Variants in GGT7 observed in about 807,000 individuals in gnomAD.
GGT7 encodes the protein gamma-glutamyltransferase 7.
GGT7 carries 30 observed loss-of-function variants against 69.2 expected under a neutral mutation model. The observed-to-expected ratio is 0.43, with a 90% CI of 0.32 to 0.59. The LOEUF is 0.59. GGT7 is among the 20% of genes least tolerant of loss of function. The pLI is 0.05. For synonymous variants in GGT7, 388 were observed against 391.8 expected, an observed-to-expected ratio of 0.99 and a Z score of 0.12; for missense variants, 733 against 901.1, an observed-to-expected ratio of 0.81 and a Z score of 2.39.
Position 34,845,463 on chromosome 20 carries a change from GAACTCAA to G in GGT7, c.1847_1853del (p.Ile616ThrfsTer12), listed in dbSNP as rs1232639677. 6.2e-7 allele frequency: 1 copy of G among 1,613,992 alleles called. No individual in the cohort carries two copies. The highest frequency in any genetic ancestry group is 1.7e-5 in the Admixed American group (1 of 60,012). ...CCACGTGGTGACCCCTGGCTTCCAG[GAACTCAA>G]TCTCTTCCTCTGTGAACTCACCTGA... On this transcript the variant is annotated frameshift_variant, in exon 15 of 15. Coordinates refer to ENST00000336431, the MANE Select transcript of GGT7 (RefSeq NM_178026.3). LOFTEE classifies it high-confidence loss of function.
At chr20:34,851,198 G>C in intron 13 of GGT7, 33 bp downstream of exon 13, 1 of 1,609,410 alleles carries the variant, frequency 6.2e-7, no homozygotes, top group Non-Finnish European at 8.5e-7. Flanking sequence ...TTGGCTCCCG[G>C]CTGAAAAAGG....
chr20:34,858,101 G>A (rs939181888), intron 7 of GGT7, among the ~76,000 whole-genome samples: 8 of 152,148 alleles, frequency 5.3e-5, no homozygotes, highest in Non-Finnish European at 8.8e-5. Flanking sequence ...TGATTGATTT[G>A]GGAATAGTCA....
rs1005105513 is a variant in GGT7, at chr20:34,860,010, G to T, written c.776C>A (p.Ala259Glu). Residue 259 changes from alanine (A) to glutamate (E), a missense_variant, in exon 6 of 15, where the codon GCA (alanine) becomes GAA (glutamate). Physicochemically the swap from Ala to Glu is moderately radical, Grantham distance 107. Coordinates refer to ENST00000336431, the MANE Select transcript of GGT7 (RefSeq NM_178026.3). ...LPWSQVLAFA[A>E]AVAQDGFNVT... Reference sequence around the variant, plus strand: ...GTTGAAGCCATCTTGGGCCACAGCTGCTGCAAAGGCCAGGACTTGGGACCA... The same window carrying T: ...GTTGAAGCCATCTTGGGCCACAGCTTCTGCAAAGGCCAGGACTTGGGACCA... 4 of 1,569,154 alleles carry T rather than the reference G, an allele frequency of 2.5e-6. No homozygotes were observed. The highest frequency in any genetic ancestry group is 2.7e-5 in the African/African-American group (2 of 73,722).
At chr20:34,856,784 T>C (rs1326187160) in intron 8 of GGT7, 22 bp downstream of exon 8, 3 of 1,471,086 alleles carry the variant, frequency 2.0e-6, no homozygotes, top group Non-Finnish European at 2.8e-6. Context: ...GGGGGGACCC[T>C]GGGAGCCGGG....
Position 34,854,919 on chromosome 20 carries a change from G to T in GGT7, c.1107C>A (p.His369Gln). 1 of 1,613,682 alleles carries T rather than the reference G, an allele frequency of 6.2e-7. No individual in the cohort carries two copies. Among genetic ancestry groups the T allele is most frequent in the Non-Finnish European group, 8.5e-7 (1 of 1,179,864 alleles). ...GCGGAGGTGGGGGACTAAGAACCAGGTGGCCTGAAAGGACAGGAAGTGACT... is the reference window on the plus strand; with the variant it reads ...GCGGAGGTGGGGGACTAAGAACCAGTTGGCCTGAAAGGACAGGAAGTGACT... ...EKPVCGVYRG[H>Q]LVLSPPPPHT... The change falls in exon 9 of 15, where the codon CAC becomes CAA. Residue 369 changes from histidine to glutamine, a missense_variant. By Grantham distance (24) the His-to-Gln change is conservative (BLOSUM62 0). Transcript: ENST00000336431.
At chr20:34,867,800 A>C (rs773136002) in intron 1 of GGT7, among the ~76,000 whole-genome samples, 1 of 152,220 alleles carries the variant, frequency 6.6e-6, no homozygotes, top group African/African-American at 2.4e-5. Context: ...ATTGCTCCAC[A>C]TGGCATCAAG....
intron 7 of GGT7, among the ~76,000 whole-genome samples, chr20:34,858,882 C>G (rs929392572): frequency 1.3e-5 from 2 of 152,134 alleles, no homozygotes; most frequent in Non-Finnish European, 2.9e-5. Context: ...CAAGACAGAA[C>G]ACTTCTGGCT....
Position 34,859,957 on chromosome 20 carries a change from G to A in GGT7, c.817+12C>T, listed in dbSNP as rs758899786. The stretch of plus-strand genomic sequence containing the variant: ...ACCTCATGTCTCTCCCAAATCCCCA[G>A]GCCCCACTGACCTAGATCATGAGTC... On this transcript the variant is annotated intron_variant, in intron 6 of 14. Transcript: ENST00000336431. The A allele has an allele frequency of 2.7e-4, 405 of 1,526,080 alleles. 1 individual carries two copies. Among genetic ancestry groups the A allele is most frequent in the Non-Finnish European group, 4.7e-5 (53 of 1,121,472 alleles). The allele number at this position is 1,526,080 out of a possible 1,614,324, so 94.5% of individuals were successfully genotyped here.
chr20:34,845,877 T>C (rs2079297161), intron 14 of GGT7, among the ~76,000 whole-genome samples: 1 of 151,982 alleles, frequency 6.6e-6, no homozygotes, highest in Non-Finnish European at 1.5e-5. Context: ...TTGGGCAATA[T>C]AGGGAGACCC....
intron 12 of GGT7, 59 bp from the exon 13 acceptor site, chr20:34,851,427 G>A (rs1048391869): frequency 1.6e-5 from 24 of 1,532,596 alleles, no homozygotes; most frequent in Admixed American, 1.1e-4. Context: ...ACCGGGAAAG[G>A]GCCCCTCCAC....
In GGT7 at chr20:34,857,068, G is replaced by C. The variant is rs572114559; in HGVS notation, c.1015-175C>G. On this transcript the variant is annotated intron_variant, in intron 7 of 14. Coordinates refer to ENST00000336431, the MANE Select transcript of GGT7 (RefSeq NM_178026.3). ...CTAGACACCTCAGGAAAAAGGAAGG[G>C]GGAAAAGCACTAACATTGAGCACCT... Among the ~76,000 whole-genome samples, 3 of 152,242 alleles carry C rather than the reference G, an allele frequency of 2.0e-5. No individual in the cohort carries two copies. In the Middle Eastern group the frequency reaches 0.01, roughly 521 times the overall value.
intron 1 of GGT7, among the ~76,000 whole-genome samples, chr20:34,870,861 G>A (rs2079766348): frequency 6.6e-6 from 1 of 151,702 alleles, no homozygotes; most frequent in Non-Finnish European, 1.5e-5. Flanking sequence ...GAGTGATCTC[G>A]GCTCACTGTA....
At chr20:34,851,426 G>C in intron 12 of GGT7, 58 bp from the exon 13 acceptor site, 2 of 1,536,068 alleles carry the variant, frequency 1.3e-6, no homozygotes, top group Non-Finnish European at 8.8e-7. Context: ...GACCGGGAAA[G>C]GGCCCCTCCA....
rs765583070 is a variant in GGT7, at chr20:34,856,830, T to C, written c.1078A>G (p.Lys360Glu). 1 of 1,610,524 alleles carries C rather than the reference T, an allele frequency of 6.2e-7. No homozygotes were observed. Among genetic ancestry groups the C allele is most frequent in the Non-Finnish European group, 8.5e-7 (1 of 1,177,204 alleles). Residue 360 changes from lysine (K) to glutamate (E), a missense_variant, in exon 8 of 15, where the codon AAG (lysine) becomes GAG (glutamate). Physicochemically the swap from Lys to Glu is moderately conservative, Grantham distance 56 (BLOSUM62 1). Transcript: ENST00000336431. ...DFSNYSALVE[K>E]PVCGVYRGHL... Reference sequence around the variant, plus strand: ...CCTCTGTACACGCCACACACAGGCTTCTCCACAAGGGCGCTGTAATTGCTG... The same window carrying C: ...CCTCTGTACACGCCACACACAGGCTCCTCCACAAGGGCGCTGTAATTGCTG...
At chr20:34,871,965 G>A (rs1486151818) in intron 1 of GGT7, among the ~76,000 whole-genome samples, 1 of 152,130 alleles carries the variant, frequency 6.6e-6, no homozygotes, top group Admixed American at 6.5e-5. Flanking sequence ...GAGGGCTGAG[G>A]GGAACACAGT....
At position 34,863,193 on chromosome 20, in the gene GGT7, C is replaced by T. The variant is rs560802511; in HGVS notation, c.405+120G>A. The T allele has an allele frequency of 2.3e-6, 2 of 860,768 alleles. 1 individual carries two copies. Among genetic ancestry groups the T allele is most frequent in the South Asian group, 3.4e-5 (2 of 59,222 alleles). 53.3% of individuals were successfully genotyped at this position (860,768 alleles called of 1,614,324 possible). On this transcript the variant is annotated intron_variant, in intron 2 of 14. Coordinates refer to ENST00000336431, the MANE Select transcript of GGT7 (RefSeq NM_178026.3). The surrounding 1 kb of genome is among the most constrained non-coding windows in gnomAD (Gnocchi z 4.4). ...TCCTCTCTTTGGGACCTTCCTCTCC[C>T]AAGTCACCACCCTCTCTCCCCTTCT...
intron 10 of GGT7, among the ~76,000 whole-genome samples, chr20:34,853,041 C>T (rs2079424645): frequency 6.6e-6 from 1 of 152,074 alleles, no homozygotes; most frequent in African/African-American, 2.4e-5. Flanking sequence ...CCTCTGCCTC[C>T]CAGGTTCAAG....
At chr20:34,854,952 G>A in intron 8 of GGT7, 29 bp from the exon 9 acceptor site, 2 of 1,610,188 alleles carry the variant, frequency 1.2e-6, no homozygotes, top group South Asian at 2.2e-5. Context: ...ACTGATGGCA[G>A]GGTAGGGGTC....
chr20:34,851,157 T>C lies in GGT7; in HGVS notation c.1725+74A>G. 3 of 1,561,970 alleles carry C rather than the reference T, an allele frequency of 1.9e-6. No homozygotes were observed. In the South Asian group the frequency reaches 3.3e-5, roughly 17 times the overall value. On this transcript the variant is annotated intron_variant, in intron 13 of 14. Transcript: ENST00000336431. ...ATGAGGAATGGAAACAAGCCACAGA[T>C]ATGACAGGCATCTGCAGTCTAGGCC...
Sources: allele counts gnomAD v4.1 joint callset (sites outside exome capture counted in the v4.1 genomes callset), GRCh38; gene constraint gnomAD v4.1.1; non-coding constraint Gnocchi (gnomAD v3.1); transcripts MANE v1.5; gene names NCBI Gene and HGNC (gene_info 2026-07-23, HGNC 2026-07-21).